ANO5: variants seen among roughly 807,000 people sequenced by gnomAD.
The protein encoded by ANO5 is anoctamin 5.
ANO5 carries 109 observed loss-of-function variants against 121.0 expected under a neutral mutation model. That is an observed-to-expected ratio of 0.90 (90% CI 0.77 to 1.06). ANO5 has a LOEUF of 1.06. ANO5 is among the 50% of genes least tolerant of loss of function. The pLI, the probability that ANO5 is intolerant of heterozygous loss-of-function variation, is 0.00. For missense variants in ANO5, 1,064 were observed against 1,078.5 expected (o/e 0.99, Z 0.19); for synonymous variants, 406 against 359.9 (o/e 1.13, Z -1.45).
At chr11:22,254,008 T>C (rs924080502) in intron 12 of ANO5, among the ~76,000 whole-genome samples, 4 of 152,170 alleles carry the variant, frequency 2.6e-5, no homozygotes, top group Admixed American at 6.6e-5. Flanking sequence ...TAATTAATTG[T>C]ATACTTTACA....
intron 9 of ANO5, among the ~76,000 whole-genome samples, chr11:22,247,479 C>T (rs1436577387): frequency 2.6e-5 from 4 of 151,952 alleles, no homozygotes; most frequent in Non-Finnish European, 4.4e-5. Flanking sequence ...GAGGTCTTTT[C>T]AAGGCATTGA....
rs200022934 is a variant in ANO5, at chr11:22,236,181, A to G, written c.667A>G (p.Arg223Gly). The change falls in exon 8 of 22, where the codon AGA (arginine) becomes GGA (glycine). Residue 223 changes from arginine (R) to glycine (G), a missense_variant. By Grantham distance (125) the Arg-to-Gly change is moderately radical. Coordinates refer to ENST00000324559, the MANE Select transcript of ANO5 (RefSeq NM_213599.3). ...RNRIVYYILS[R>G]CPFGIEDGKK... ...CTTGTAGGTGTACTATATTCTCTCA[A>G]GATGTCCTTTTGGCATAGAAGATGG... 5 of 1,612,440 alleles carry G rather than the reference A, an allele frequency of 3.1e-6. No homozygotes were observed. In the East Asian group the frequency reaches 1.1e-4, roughly 36 times the overall value.
At chr11:22,240,490 T>G (rs892952051) in intron 9 of ANO5, among the ~76,000 whole-genome samples, 1 of 152,072 alleles carries the variant, frequency 6.6e-6, no homozygotes, top group Admixed American at 6.6e-5. Context: ...TGAAATGTTA[T>G]CTCAACAGTA....
upstream of ANO5, chr11:22,192,963 G>A (rs1851692468): frequency 7.1e-6 from 7 of 984,712 alleles, no homozygotes; most frequent in Non-Finnish European, 8.4e-6. Flanking sequence ...GGGCCGGGGG[G>A]CGGGGAGATG....
chr11:22,269,587 GAGAA>G (rs201847597), intron 17 of ANO5, among the ~76,000 whole-genome samples: 2,522 of 151,608 alleles, frequency 0.017, 91 homozygotes, highest in African/African-American at 0.057. Flanking sequence ...AAGAAAGAAA[GAGAA>G]AGAAAGAGTT....
chr11:22,233,472 T>A (rs1263366565), intron 7 of ANO5, among the ~76,000 whole-genome samples: 1 of 152,062 alleles, frequency 6.6e-6, no homozygotes, highest in African/African-American at 2.4e-5. Flanking sequence ...TAAGTGATCA[T>A]AGCAGCCATT....
At chr11:22,207,344 G>A (rs558111494) in intron 2 of ANO5, among the ~76,000 whole-genome samples, 2 of 152,190 alleles carry the variant, frequency 1.3e-5, no homozygotes, top group South Asian at 2.1e-4. Context: ...GAGAAGGATA[G>A]GCATGTAGAT....
intron 7 of ANO5, among the ~76,000 whole-genome samples, chr11:22,228,798 C>T (rs989730698): frequency 6.6e-6 from 1 of 151,930 alleles, no homozygotes; most frequent in Non-Finnish European, 1.5e-5. Flanking sequence ...CAAATGACAA[C>T]ATTTCATTCT....
At chr11:22,250,918 A>G (rs1413963417) in intron 11 of ANO5, 33 bp from the exon 12 acceptor site, 3 of 1,607,932 alleles carry the variant, frequency 1.9e-6, no homozygotes, top group African/African-American at 1.3e-5. Flanking sequence ...GTACTAAATT[A>G]TCTTTGTGAT....
chr11:22,219,106 T>G (rs1229189865), intron 4 of ANO5, among the ~76,000 whole-genome samples: 1 of 152,096 alleles, frequency 6.6e-6, no homozygotes, highest in East Asian at 1.9e-4. Flanking sequence ...CTTAACTGAT[T>G]TTTATTAGTA....
At chr11:22,232,154 A>G (rs1853062353) in intron 7 of ANO5, among the ~76,000 whole-genome samples, 1 of 152,026 alleles carries the variant, frequency 6.6e-6, no homozygotes, top group African/African-American at 2.4e-5. Flanking sequence ...TGGCTTCTTT[A>G]ACTCAACCTT....
At position 22,257,686 on chromosome 11, in the gene ANO5, G is replaced by C; in HGVS notation, c.1339G>C (p.Glu447Gln). The C allele has an allele frequency of 6.2e-7, 1 of 1,610,402 alleles. No individual in the cohort carries two copies. Among genetic ancestry groups the C allele is most frequent in the Non-Finnish European group, 8.5e-7 (1 of 1,176,850 alleles). Reference protein sequence around the residue: ...RKLNAVTKEMEPYMPLYTRIP... With the variant: ...RKLNAVTKEMQPYMPLYTRIP... The stretch of plus-strand genomic sequence containing the variant: ...GATTTCTTCAATATTACAGGAGATG[G>C]AACCTTACATGCCTCTATACACGCG... Residue 447 changes from glutamate to glutamine, a missense_variant, in exon 14 of 22, where the codon GAA becomes CAA. Physicochemically the swap from Glu to Gln is conservative, Grantham distance 29. Coordinates refer to ENST00000324559, the MANE Select transcript of ANO5 (RefSeq NM_213599.3).
At chr11:22,248,434 A>C (rs1202746606) in intron 9 of ANO5, among the ~76,000 whole-genome samples, 1 of 152,074 alleles carries the variant, frequency 6.6e-6, no homozygotes, top group Non-Finnish European at 1.5e-5. Flanking sequence ...GTTATGACTA[A>C]CAAGATAGTT....
At chr11:22,194,399 A>G (rs1851745886) in intron 1 of ANO5, among the ~76,000 whole-genome samples, 1 of 152,192 alleles carries the variant, frequency 6.6e-6, no homozygotes, top group Non-Finnish European at 1.5e-5. Flanking sequence ...GGCACCGGGA[A>G]ATACCGTGTG....
chr11:22,259,497 GTTCT>G lies in ANO5; in HGVS notation c.1408-19_1408-16del, dbSNP rs1483821642. The G allele has an allele frequency of 3.8e-6, 6 of 1,599,530 alleles. No individual in the cohort carries two copies. The African/African-American group carries it at 5.4e-5, about 14-fold the overall frequency. On this transcript the variant is annotated intron_variant, in intron 14 of 21. Coordinates refer to ENST00000324559, the MANE Select transcript of ANO5 (RefSeq NM_213599.3). ...CAGAGATACAGAGACCCAAATAGCAGTTCTTTGTTTTCCTTTCCCAGATGTCTCT... is the reference window on the plus strand; with the variant it reads ...CAGAGATACAGAGACCCAAATAGCAGTTGTTTTCCTTTCCCAGATGTCTCT...
chr11:22,219,244 C>G (rs969070904), intron 4 of ANO5, among the ~76,000 whole-genome samples: 3 of 151,928 alleles, frequency 2.0e-5, no homozygotes, highest in Non-Finnish European at 4.4e-5. Context: ...TCCTAGCTAG[C>G]CTTTGGCTTT....
Position 22,250,798 on chromosome 11 carries a change from T to C in ANO5, c.1071T>C (p.Asp357=). ...AGATGATCATGTGCCCACTCTGTGA[T>C]CAAGTGTGTGATTATTGGAGACTAA... ...GGQMIMCPLC[D]QVCDYWRLNS... Residue 357 remains aspartate (D), a synonymous_variant, in exon 11 of 22, where the codon GAT becomes GAC. Transcript: ENST00000324559. 6.2e-7 allele frequency: 1 copy of C among 1,614,108 alleles called. No individual in the cohort carries two copies. Among genetic ancestry groups the C allele is most frequent in the Non-Finnish European group, 8.5e-7 (1 of 1,179,964 alleles).
At position 22,236,682 on chromosome 11, in the gene ANO5, A is replaced by G. The variant is rs541805763; in HGVS notation, c.762+406A>G. Among the ~76,000 whole-genome samples, 5 of 152,330 alleles carry G rather than the reference A, an allele frequency of 3.3e-5. No homozygotes were observed. In the South Asian group the frequency reaches 1.0e-3, roughly 32 times the overall value. On this transcript the variant is annotated intron_variant, in intron 8 of 21. Coordinates refer to ENST00000324559, the MANE Select transcript of ANO5 (RefSeq NM_213599.3). ...ATTCACATATTCATTCATCAAATAC[A>G]TGATTGGCTTCAATTATATGTAAAG...
intron 18 of ANO5, among the ~76,000 whole-genome samples, chr11:22,271,588 G>A (rs1019771532): frequency 4.6e-5 from 7 of 152,136 alleles, no homozygotes; most frequent in African/African-American, 7.2e-5. Context: ...TTGCACATAT[G>A]TACATCAGAG....
Sources: gnomAD v4.1 joint callset for allele counts (sites outside exome capture counted in the v4.1 genomes callset) on GRCh38, gnomAD v4.1.1 for gene constraint, MANE v1.5 for transcripts, NCBI Gene and HGNC (gene_info 2026-07-23, HGNC 2026-07-21) for gene names.